Variants in LRFN1 observed in about 807,000 individuals in gnomAD.
LRFN1 encodes the protein leucine-rich repeat and fibronectin type III domain-containing protein 1.
A neutral mutation model predicts 31.8 loss-of-function variants in LRFN1; 20 were observed. The ratio of observed to expected loss-of-function variants is 0.63; its 90% CI spans 0.44 to 0.91. The LOEUF (loss-of-function observed/expected upper bound fraction) is 0.91, where lower values mean the gene tolerates loss of function less well. Among genes scored for constraint, LRFN1 ranks in the 40% least tolerant of loss-of-function variants. The pLI is 0.00. For missense variants in LRFN1, 912 were observed against 1,129.8 expected (o/e 0.81, Z 2.76); for synonymous variants, 514 against 541.3 (o/e 0.95, Z 0.70).
At chr19:39,317,523 G>T (rs899665204) in intron 2 of LRFN1, among the ~76,000 whole-genome samples, 12 of 152,132 alleles carry the variant, frequency 7.9e-5, no homozygotes, top group East Asian at 3.8e-4. Flanking sequence ...GCTGGGGTAG[G>T]ACTCAAATGG....
At position 39,315,123 on chromosome 19, in the gene LRFN1, G is replaced by A. The variant is rs1299296516; in HGVS notation, c.214C>T (p.Leu72Phe). 2 of 1,593,066 alleles carry A rather than the reference G, an allele frequency of 1.3e-6. No homozygotes were observed. The highest frequency in any genetic ancestry group is 1.7e-6 in the Non-Finnish European group (2 of 1,177,216). Reference protein sequence around the residue: ...AIDRRVVELRLTDNFIAAVRR... With the variant: ...AIDRRVVELRFTDNFIAAVRR... ...ACGGCGGCGATGAAGTTGTCGGTGA[G>A]CCGCAGCTCCACCACGCGCCGGTCG... The change falls in exon 4 of 5, where the codon CTC becomes TTC. Residue 72 changes from leucine (L) to phenylalanine (F), a missense_variant. Transcript: ENST00000248668. The surrounding 1 kb of genome is among the most constrained non-coding windows in gnomAD (Gnocchi z 4.7).
chr19:39,307,798 G>T lies in LRFN1; in HGVS notation c.2151C>A (p.His717Gln). Residue 717 changes from histidine (H) to glutamine (Q), a missense_variant, in exon 5 of 5, where the codon CAC (histidine) becomes CAA (glutamine). By Grantham distance (24) the His-to-Gln change is conservative. Coordinates refer to ENST00000248668, the MANE Select transcript of LRFN1 (RefSeq NM_020862.2). This position sits in a 1 kb window ranked among gnomAD's most constrained non-coding sequence, Gnocchi z 6.7. ...TCCGCCGGGCGCGGCGCGGGTAACT[G>T]TGGCTCTGGAATAGTGCCCCGTAGT... ...DGDYGALFQS[H>Q]SYPRRARRTK... 1 of 1,486,734 alleles carries T rather than the reference G, an allele frequency of 6.7e-7. No homozygotes were observed. Among genetic ancestry groups the T allele is most frequent in the Non-Finnish European group, 8.9e-7 (1 of 1,125,582 alleles). The allele number at this position is 1,486,734 out of a possible 1,614,324, so 92.1% of individuals were successfully genotyped here. A position where few individuals can be genotyped will look rare whatever the true frequency, so the allele number is the denominator to read the frequency against.
chr19:39,306,957 A>C lies in LRFN1; in HGVS notation c.*676T>G. 5.1e-6 allele frequency: 1 copy of C among 197,022 alleles called. No individual in the cohort carries two copies. Among genetic ancestry groups the C allele is most frequent in the Non-Finnish European group, 1.0e-5 (1 of 98,276 alleles). 12.2% of individuals were successfully genotyped at this position (197,022 alleles called of 1,614,324 possible). ...CTTCCAGTGGGACCTGCCCGGGAGAATGAGTAAAGAGAAGAAATCAGGAGA... is the reference window on the plus strand; with the variant it reads ...CTTCCAGTGGGACCTGCCCGGGAGACTGAGTAAAGAGAAGAAATCAGGAGA... On this transcript the variant is annotated 3_prime_UTR_variant, in exon 5 of 5. Transcript: ENST00000248668.
Position 39,314,615 on chromosome 19 carries a change from G to A in LRFN1, c.722C>T (p.Pro241Leu), listed in dbSNP as rs1332470185. ...FLRSQGTGPK[P>L]PTPLTVSFGG... ...GAAGCTGACGGTCAGCGGGGTGGGC[G>A]GCTTGGGCCCGGTGCCCTGCGACCT... The change falls in exon 4 of 5, where the codon CCG becomes CTG. Residue 241 changes from proline to leucine, a missense_variant. Physicochemically the swap from Pro to Leu is moderately conservative, Grantham distance 98. This residue lies in a region of LRFN1 where 401 missense variants were observed against 572.7 expected (regional missense o/e 0.70). Transcript: ENST00000248668. The A allele has an allele frequency of 9.3e-6, 15 of 1,610,098 alleles. No individual in the cohort carries two copies. Among genetic ancestry groups the A allele is most frequent in the Non-Finnish European group, 1.1e-5 (13 of 1,178,320 alleles).
Position 39,314,676 on chromosome 19 carries a change from G to A in LRFN1, c.661C>T (p.Arg221Cys), listed in dbSNP as rs1331015561. 1.9e-6 allele frequency: 3 copies of A among 1,613,004 alleles called. No individual in the cohort carries two copies. The highest frequency in any genetic ancestry group is 2.5e-6 in the Non-Finnish European group (3 of 1,179,356). ...CCGTCGGGCGGGAGTTTATGCAGGC[G>A]GTTGGAGGTCATGTCCAGACGGACC... ...KLVRLDMTSN[R>C]LHKLPPDGLF... The change falls in exon 4 of 5, where the codon CGC (arginine) becomes TGC (cysteine). Residue 221 changes from arginine (R) to cysteine (C), a missense_variant. By Grantham distance (180) the Arg-to-Cys change is radical (BLOSUM62 -3). Around this residue, in one of 2 missense-constraint regions of LRFN1, gnomAD observed 401 missense variants for 572.7 expected, o/e 0.70. Transcript: ENST00000248668.
At chr19:39,312,991 C>T (rs557748363) in intron 4 of LRFN1, among the ~76,000 whole-genome samples, 1 of 151,850 alleles carries the variant, frequency 6.6e-6, no homozygotes, top group East Asian at 1.9e-4. Flanking sequence ...GGGCTCTGTG[C>T]CTAACGAGGG....
intron 2 of LRFN1, among the ~76,000 whole-genome samples, chr19:39,316,864 G>A (rs920918751): frequency 1.2e-4 from 18 of 152,256 alleles, no homozygotes; most frequent in African/African-American, 2.6e-4. Context: ...GGAAGGGGGC[G>A]TCCCTAAAAC....
chr19:39,319,264 G>C (rs536760302), intron 1 of LRFN1, among the ~76,000 whole-genome samples: 3 of 152,184 alleles, frequency 2.0e-5, no homozygotes, highest in Non-Finnish European at 4.4e-5. Flanking sequence ...ATTTACAACA[G>C]ATCTACCTTG....
At chr19:39,320,726 C>G (rs1177441796) in intron 1 of LRFN1, 67 bp downstream of exon 1, 1 of 149,218 alleles carries the variant, frequency 6.7e-6, no homozygotes, top group Non-Finnish European at 1.5e-5. Context: ...CACGCTCGCA[C>G]GCTCACACCC....
Position 39,314,152 on chromosome 19 carries a change from G to A in LRFN1, c.1185C>T (p.Pro395=), listed in dbSNP as rs766733552. Residue 395 remains proline (P), a synonymous_variant, in exon 4 of 5, where the codon CCC becomes CCT. Transcript: ENST00000248668. ...TGAGAGGCGGCGGGGCAGCCGGCGG[G>A]GGTGCCATCAGAGGCAGAGGTACCA... ...VCVVPLPLMA[P]PPAAPPPLTE... is the part of the protein sequence containing the mutation. The A allele has an allele frequency of 9.9e-6, 16 of 1,612,516 alleles. No individual in the cohort carries two copies. Among genetic ancestry groups the A allele is most frequent in the Non-Finnish European group, 1.2e-5 (14 of 1,179,404 alleles).
chr19:39,308,329 G>A lies in LRFN1; in HGVS notation c.1620C>T (p.Ile540=). 1.2e-6 allele frequency: 2 copies of A among 1,613,040 alleles called. No individual in the cohort carries two copies. Among genetic ancestry groups the A allele is most frequent in the Non-Finnish European group, 1.7e-6 (2 of 1,179,618 alleles). Residue 540 remains isoleucine (I), a synonymous_variant, in exon 5 of 5, where the codon ATC becomes ATT. Transcript: ENST00000248668. This position sits in a 1 kb window ranked among gnomAD's most constrained non-coding sequence, Gnocchi z 6.2. ...GGACCGAGGCGACGATGACGCCCCC[G>A]ATGGCGATGATCATGGTGCCGCCCA... ...HFLGGTMIIA[I]GGVIVASVLV...
At chr19:39,319,114 GATAC>G (rs2075180361) in intron 1 of LRFN1, among the ~76,000 whole-genome samples, 1 of 152,118 alleles carries the variant, frequency 6.6e-6, no homozygotes, top group African/African-American at 2.4e-5. Flanking sequence ...AACATAGATG[GATAC>G]ATACCCTCAA....
In LRFN1 at chr19:39,308,746, A is replaced by G. The variant is rs1257211503; in HGVS notation, c.1407-204T>C. ...CCCCTCATCTGTATGCCCCGCCCTCAGACCCACCTCCTGGCTGTGTCCCAT... is the reference window on the plus strand; with the variant it reads ...CCCCTCATCTGTATGCCCCGCCCTCGGACCCACCTCCTGGCTGTGTCCCAT... On this transcript the variant is annotated intron_variant, in intron 4 of 4. Transcript: ENST00000248668. The surrounding 1 kb of genome is among the most constrained non-coding windows in gnomAD (Gnocchi z 6.2). Among the ~76,000 whole-genome samples the G allele has an allele frequency of 6.6e-6, 1 of 152,166 alleles. No homozygotes were observed. Among genetic ancestry groups the G allele is most frequent in the Non-Finnish European group, 1.5e-5 (1 of 68,024 alleles).
chr19:39,310,569 G>A (rs1355325600), intron 4 of LRFN1, among the ~76,000 whole-genome samples: 3 of 152,104 alleles, frequency 2.0e-5, no homozygotes, highest in Non-Finnish European at 2.9e-5. Flanking sequence ...TCCAGCCTCA[G>A]CTAAACCTGG....
intron 4 of LRFN1, among the ~76,000 whole-genome samples, chr19:39,312,911 T>C (rs951827147): frequency 2.6e-5 from 4 of 151,490 alleles, no homozygotes; most frequent in African/African-American, 9.7e-5. Context: ...GGCTATAAGC[T>C]CCCTGAGGAC....
At chr19:39,319,114 G>T (rs999436157) in intron 1 of LRFN1, among the ~76,000 whole-genome samples, 1 of 152,118 alleles carries the variant, frequency 6.6e-6, no homozygotes, top group African/African-American at 2.4e-5. Flanking sequence ...AACATAGATG[G>T]ATACATACCC....
chr19:39,315,093 G>T lies in LRFN1; in HGVS notation c.244C>A (p.Arg82Ser), dbSNP rs776005449. ...CTGGTCATGTTGGCGAAGTCTCGGC[G>T]GCGCACGGCGGCGATGAAGTTGTCG... ...LTDNFIAAVR[R>S]RDFANMTSLV... The change falls in exon 4 of 5, where the codon CGC becomes AGC. Residue 82 changes from arginine (R) to serine (S), a missense_variant. Physicochemically the swap from Arg to Ser is moderately radical, Grantham distance 110. Transcript: ENST00000248668. The surrounding 1 kb of genome is among the most constrained non-coding windows in gnomAD (Gnocchi z 4.7). 1 of 1,594,122 alleles carries T rather than the reference G, an allele frequency of 6.3e-7. No homozygotes were observed. The highest frequency in any genetic ancestry group is 8.5e-7 in the Non-Finnish European group (1 of 1,177,792).
intron 4 of LRFN1, among the ~76,000 whole-genome samples, chr19:39,312,773 G>T (rs2075155180): frequency 6.7e-6 from 1 of 148,558 alleles, no homozygotes; most frequent in Non-Finnish European, 1.5e-5. Context: ...CTGCACTCCA[G>T]CCTGGGGTGA....
In LRFN1 at chr19:39,306,730, A is replaced by AAC. The variant is rs58972296; in HGVS notation, c.*901_*902dup. ...GCTGCAATCTAGGTCACCCTCCCCC[A>AAC]ACACACACACACACACACACACACA... On this transcript the variant is annotated 3_prime_UTR_variant, in exon 5 of 5. Transcript: ENST00000248668. The AAC allele has an allele frequency of 0.2, 27,459 of 134,608 alleles. 2,714 individuals are homozygous for AAC. The highest frequency in any genetic ancestry group is 0.3 in the Middle Eastern group (78 of 258). The allele number at this position is 134,608 out of a possible 1,614,324, so 8.3% of individuals were successfully genotyped here.
Sources: gnomAD v4.1 joint callset for allele counts (sites outside exome capture counted in the v4.1 genomes callset) on GRCh38, gnomAD v4.1.1 for gene constraint, gnomAD v4.1.1 regional missense constraint, Gnocchi (gnomAD v3.1) non-coding constraint, MANE v1.5 for transcripts, NCBI Gene and HGNC (gene_info 2026-07-23, HGNC 2026-07-21) for gene names.